ARHGAP27: variants seen among roughly 807,000 people sequenced by gnomAD.
ARHGAP27 encodes rho GTPase-activating protein 27.
A neutral mutation model predicts 102.0 loss-of-function variants in ARHGAP27; 53 were observed. The ratio of observed to expected loss-of-function variants is 0.52; its 90% CI spans 0.42 to 0.65. The LOEUF is 0.65. Ranked by LOEUF, ARHGAP27 falls within the 30% of genes least tolerant of loss-of-function variation. The pLI is 0.00. For missense variants in ARHGAP27, 1,117 were observed against 1,256.2 expected, an observed-to-expected ratio of 0.89 and a Z score of 1.68; for synonymous variants, 525 against 542.8, an observed-to-expected ratio of 0.97 and a Z score of 0.46.
In ARHGAP27 at chr17:45,395,425, C is replaced by T. The variant is rs1326526427; in HGVS notation, c.*31G>A. 23 of 1,534,618 alleles carry T rather than the reference C, an allele frequency of 1.5e-5. No individual in the cohort carries two copies. The East Asian group carries it at 5.6e-4, about 38-fold the overall frequency. ...CGCCGCCCAGCTTGTGTGGCAGGACCGCGGCCGCCGCCCCAGTCACAGGCC... is the reference window on the plus strand; with the variant it reads ...CGCCGCCCAGCTTGTGTGGCAGGACTGCGGCCGCCGCCCCAGTCACAGGCC... On this transcript the variant is annotated 3_prime_UTR_variant, in exon 20 of 20. Coordinates refer to ENST00000685559, the MANE Select transcript of ARHGAP27 (RefSeq NM_001282290.2).
intron 4 of ARHGAP27, among the ~76,000 whole-genome samples, chr17:45,421,253 C>A (rs1487979495): frequency 1.3e-5 from 2 of 150,158 alleles, no homozygotes; most frequent in Non-Finnish European, 3.0e-5. Context: ...CCAAGGCAGG[C>A]AGATTGCTTG....
At position 45,427,265 on chromosome 17, in the gene ARHGAP27, C is replaced by T. The variant is rs1272643886; in HGVS notation, c.657+2358G>A. Among the ~76,000 whole-genome samples, 1 of 152,218 alleles carries T rather than the reference C, an allele frequency of 6.6e-6. No individual in the cohort carries two copies. The highest frequency in any genetic ancestry group is 2.4e-5 in the African/African-American group (1 of 41,458). On this transcript the variant is annotated intron_variant, in intron 4 of 19. Coordinates refer to ENST00000685559, the MANE Select transcript of ARHGAP27 (RefSeq NM_001282290.2). This position sits in a 1 kb window ranked among gnomAD's most constrained non-coding sequence, Gnocchi z 4.5. The stretch of plus-strand genomic sequence containing the variant: ...GTCTCTGCTAAAAGCCTCACAGCGG[C>T]TGCAGGATAATGTGCACATTCCTGG...
At chr17:45,421,436 C>T (rs929769856) in intron 4 of ARHGAP27, among the ~76,000 whole-genome samples, 6 of 151,822 alleles carry the variant, frequency 4.0e-5, no homozygotes, top group Admixed American at 1.3e-4. Context: ...GAGCCGTGAT[C>T]GTGCCATAGC....
At chr17:45,406,132 A>C in intron 4 of ARHGAP27, 49 bp from the exon 5 acceptor site, 1 of 1,471,294 alleles carries the variant, frequency 6.8e-7, no homozygotes. Flanking sequence ...ACCTTCCAAA[A>C]TGGTAACAGA....
In ARHGAP27 at chr17:45,429,911, A is replaced by G. The variant is rs1437211669; in HGVS notation, c.369T>C (p.Pro123=). Residue 123 remains proline (P), a synonymous_variant, in exon 4 of 20, where the codon CCT becomes CCC. Transcript: ENST00000685559. ...GCTGGGTCGCGGCGCCGCGTTGCGCAGGGCCGCACAGGGAGCTGGCTCGGC... is the reference window on the plus strand; with the variant it reads ...GCTGGGTCGCGGCGCCGCGTTGCGCGGGGCCGCACAGGGAGCTGGCTCGGC... The part of the protein sequence containing the change: ...SGGRASSLCG[P]AQRGAATQRS... The G allele has an allele frequency of 1.8e-6, 2 of 1,142,370 alleles. No individual in the cohort carries two copies. The highest frequency in any genetic ancestry group is 2.1e-6 in the Non-Finnish European group (2 of 933,030). 70.8% of individuals were successfully genotyped at this position (1,142,370 alleles called of 1,614,324 possible).
chr17:45,429,008 G>A (rs2049843547), intron 4 of ARHGAP27, among the ~76,000 whole-genome samples: 1 of 152,168 alleles, frequency 6.6e-6, no homozygotes, highest in Non-Finnish European at 1.5e-5. Context: ...AACCCATCAA[G>A]AGTTCTTTAA....
chr17:45,417,649 G>A lies in ARHGAP27; in HGVS notation c.658-11566C>T, dbSNP rs564452794. Among the ~76,000 whole-genome samples, 5 of 151,978 alleles carry A rather than the reference G, an allele frequency of 3.3e-5. No individual in the cohort carries two copies. In the East Asian group the frequency reaches 9.6e-4, roughly 29 times the overall value. Reference sequence around the variant, plus strand: ...AGGTGTGGTGGCACTTGCTACTCGGGAGGCTGAGACATGAGAATCGCTTGA... The same window carrying A: ...AGGTGTGGTGGCACTTGCTACTCGGAAGGCTGAGACATGAGAATCGCTTGA... On this transcript the variant is annotated intron_variant, in intron 4 of 19. Coordinates refer to ENST00000685559, the MANE Select transcript of ARHGAP27 (RefSeq NM_001282290.2).
intron 4 of ARHGAP27, among the ~76,000 whole-genome samples, chr17:45,411,724 G>A (rs1282051442): frequency 2.6e-5 from 4 of 152,028 alleles, no homozygotes; most frequent in Non-Finnish European, 5.9e-5. Context: ...ATCACAGAAG[G>A]CTGGAGGCCT....
chr17:45,418,692 T>C (rs951770147), intron 4 of ARHGAP27, among the ~76,000 whole-genome samples: 9 of 151,854 alleles, frequency 5.9e-5, no homozygotes, highest in African/African-American at 2.2e-4. Flanking sequence ...GCTGGGACAG[T>C]GGGTGGGTGG....
chr17:45,395,123 C>G lies in ARHGAP27; in HGVS notation c.*333G>C. Reference sequence around the variant, plus strand: ...CCCTCCATCAAACTCCTCCTCCCAGCACCTACCATTCCAGAAAACAAACTC... The same window carrying G: ...CCCTCCATCAAACTCCTCCTCCCAGGACCTACCATTCCAGAAAACAAACTC... On this transcript the variant is annotated 3_prime_UTR_variant, in exon 20 of 20. Coordinates refer to ENST00000685559, the MANE Select transcript of ARHGAP27 (RefSeq NM_001282290.2). 1 of 389,642 alleles carries G rather than the reference C, an allele frequency of 2.6e-6. No homozygotes were observed. Among genetic ancestry groups the G allele is most frequent in the Non-Finnish European group, 4.7e-6 (1 of 213,514 alleles). 24.1% of individuals were successfully genotyped at this position (389,642 alleles called of 1,614,324 possible).
Position 45,396,731 on chromosome 17 carries a change from G to A in ARHGAP27, c.2011C>T (p.Leu671Phe). The A allele has an allele frequency of 1.1e-5, 18 of 1,613,850 alleles. No individual in the cohort carries two copies. Among genetic ancestry groups the A allele is most frequent in the Non-Finnish European group, 1.5e-5 (18 of 1,179,798 alleles). ...GGCCGCCTCTGGAGGAACTTGCGGAGCTTGTGCCGGACCTTGCTCAAGTCG... is the reference window on the plus strand; with the variant it reads ...GGCCGCCTCTGGAGGAACTTGCGGAACTTGTGCCGGACCTTGCTCAAGTCG... ...ESDLSKVRHK[L>F]RKFLQRRPTL... The change falls in exon 15 of 20, where the codon CTC becomes TTC. Residue 671 changes from leucine to phenylalanine, a missense_variant. By Grantham distance (22) the Leu-to-Phe change is conservative (BLOSUM62 0). Transcript: ENST00000685559.
rs1306019243 is a variant in ARHGAP27 at position 45,430,888 on chromosome 17, GC to G, written c.-18-592del. ...ACAGCTCTACCTGGGGGCTGTCGCT[GC>G]CCCCCTTAGTCCGAGGGCCTTGCTG... On this transcript the variant is annotated intron_variant, in intron 3 of 19. Transcript: ENST00000685559. The surrounding 1 kb of genome is among the most constrained non-coding windows in gnomAD (Gnocchi z 4.4). Among the ~76,000 whole-genome samples, 2 of 152,090 alleles carry G rather than the reference GC, an allele frequency of 1.3e-5. No homozygotes were observed. Among genetic ancestry groups the G allele is most frequent in the Non-Finnish European group, 2.9e-5 (2 of 68,006 alleles).
intron 11 of ARHGAP27, among the ~76,000 whole-genome samples, chr17:45,403,397 TAAAAACACA>T (rs2046694151): frequency 6.6e-6 from 1 of 152,008 alleles, no homozygotes; most frequent in South Asian, 2.1e-4. Context: ...CTATCTCTAC[TAAAAACACA>T]AAAATTAGCC....
chr17:45,420,936 G>C (rs2048972274), intron 4 of ARHGAP27, among the ~76,000 whole-genome samples: 1 of 110,944 alleles, frequency 9.0e-6, no homozygotes, highest in South Asian at 3.5e-4. Flanking sequence ...GGGCGACAGA[G>C]CAAGACTCCA....
intron 4 of ARHGAP27, 141 bp downstream of exon 4, chr17:45,429,482 G>A (rs2049886735): frequency 6.7e-7 from 1 of 1,493,124 alleles, no homozygotes; most frequent in African/African-American, 1.5e-5. Flanking sequence ...GTTGGGGAGA[G>A]GGAGCTCATC....
chr17:45,428,369 C>T (rs2049803798), intron 4 of ARHGAP27, among the ~76,000 whole-genome samples: 1 of 152,260 alleles, frequency 6.6e-6, no homozygotes, highest in Non-Finnish European at 1.5e-5. Flanking sequence ...TCGTTTAAGG[C>T]TCACAACCCT....
intron 4 of ARHGAP27, among the ~76,000 whole-genome samples, chr17:45,417,428 C>T (rs1313295882): frequency 2.0e-5 from 3 of 151,412 alleles, no homozygotes; most frequent in Admixed American, 6.6e-5. Context: ...TGTGCCATTG[C>T]ACTCCAGGCT....
At chr17:45,404,800 T>C in intron 6 of ARHGAP27, 119 bp from the exon 7 acceptor site, 1 of 1,515,274 alleles carries the variant, frequency 6.6e-7, no homozygotes, top group South Asian at 1.2e-5. Context: ...TGCAGGTGAC[T>C]GTGTTTGGCT....
chr17:45,420,718 G>T (rs1287910206), intron 4 of ARHGAP27, among the ~76,000 whole-genome samples: 1 of 151,840 alleles, frequency 6.6e-6, no homozygotes, highest in African/African-American at 2.4e-5. Flanking sequence ...ACTTTGGGAG[G>T]ATGAGGCAGG....
Sources: gnomAD v4.1 joint callset for allele counts (sites outside exome capture counted in the v4.1 genomes callset) on GRCh38, gnomAD v4.1.1 for gene constraint, Gnocchi (gnomAD v3.1) non-coding constraint, MANE v1.5 for transcripts, NCBI Gene and HGNC (gene_info 2026-07-23, HGNC 2026-07-21) for gene names.